SAFB2: variants seen among roughly 807,000 people sequenced by gnomAD.
SAFB2 encodes the protein scaffold attachment factor B2.
A neutral mutation model predicts 100.6 loss-of-function variants in SAFB2; 32 were observed. That is an observed-to-expected ratio of 0.32 (90% CI 0.24 to 0.43). The LOEUF (loss-of-function observed/expected upper bound fraction) is 0.43. Ranked by LOEUF, SAFB2 falls within the 20% of genes least tolerant of loss-of-function variation. The pLI, the probability that SAFB2 is intolerant of heterozygous loss-of-function variation, is 1.00. For missense variants in SAFB2, 1,185 were observed against 1,163.4 expected (o/e 1.02, Z -0.27); for synonymous variants, 500 against 439.4 (o/e 1.14, Z -1.72).
Position 5,604,869 on chromosome 19 carries a change from A to G in SAFB2, c.1364T>C (p.Met455Thr). ...CTTGGTCGCCTCGTCAGATGTCGAC[A>G]TGGTGACGAATCCATAGCATCGAGC... ...PGARCYGFVT[M>T]STSDEATKCI... The change falls in exon 10 of 21, where the codon ATG becomes ACG. Residue 455 changes from methionine (M) to threonine (T), a missense_variant. Met to Thr is a moderately conservative substitution (Grantham distance 81). Coordinates refer to ENST00000252542, the MANE Select transcript of SAFB2 (RefSeq NM_014649.3). 6.2e-7 allele frequency: 1 copy of G among 1,614,138 alleles called. No homozygotes were observed. The highest frequency in any genetic ancestry group is 8.5e-7 in the Non-Finnish European group (1 of 1,180,026).
At chr19:5,610,881 C>T (rs566579906) in intron 7 of SAFB2, 193 bp from the exon 8 acceptor site, 12 of 777,884 alleles carry the variant, frequency 1.5e-5, no homozygotes, top group South Asian at 2.0e-5. Context: ...AAAGTCAATT[C>T]GATTTAGCTG....
chr19:5,594,968 C>A (rs990515995), intron 14 of SAFB2, among the ~76,000 whole-genome samples: 1 of 152,304 alleles, frequency 6.6e-6, no homozygotes, highest in East Asian at 1.9e-4. Context: ...CCCACCTCAA[C>A]CTCCTGAGTA....
intron 1 of SAFB2, 68 bp from the exon 2 acceptor site, chr19:5,621,464 A>G (rs1289149446): frequency 9.9e-7 from 1 of 1,014,970 alleles, no homozygotes; most frequent in African/African-American, 1.6e-5. Flanking sequence ...CCTTACAAGT[A>G]ACAACCTCCC....
chr19:5,621,395 G>A lies in SAFB2; in HGVS notation c.188C>T (p.Ala63Val). 3.1e-6 allele frequency: 5 copies of A among 1,601,208 alleles called. No homozygotes were observed. The highest frequency in any genetic ancestry group is 2.2e-5 in the East Asian group (1 of 44,830). ...AGGATCTTGCCCCTCTTCTTTAACCGCCTATTAGGGAGAGATGAGTTTTAC... is the reference window on the plus strand; with the variant it reads ...AGGATCTTGCCCCTCTTCTTTAACCACCTATTAGGGAGAGATGAGTTTTAC... ...KSVLMERLKK[A>V]VKEEGQDPDE... Residue 63 changes from alanine to valine, a missense_variant and splice_region_variant, in exon 2 of 21, where the codon GCG becomes GTG. Ala to Val is a moderately conservative substitution (Grantham distance 64). Coordinates refer to ENST00000252542, the MANE Select transcript of SAFB2 (RefSeq NM_014649.3).
intron 14 of SAFB2, among the ~76,000 whole-genome samples, chr19:5,594,689 G>A (rs2052498756): frequency 2.0e-5 from 3 of 152,134 alleles, no homozygotes; most frequent in African/African-American, 7.2e-5. Flanking sequence ...TTCCACACGG[G>A]CCAAGGTCCA....
intron 11 of SAFB2, among the ~76,000 whole-genome samples, chr19:5,602,340 C>T (rs1427624137): frequency 3.3e-5 from 5 of 151,606 alleles, no homozygotes; most frequent in African/African-American, 7.3e-5. Flanking sequence ...ATTAGCCGGG[C>T]GTGGTGGTAG....
chr19:5,607,048 T>C (rs946370354), intron 9 of SAFB2, among the ~76,000 whole-genome samples: 1 of 151,584 alleles, frequency 6.6e-6, no homozygotes, highest in Non-Finnish European at 1.5e-5. Flanking sequence ...GATCACGAGG[T>C]CAGGAGATCA....
intron 12 of SAFB2, among the ~76,000 whole-genome samples, chr19:5,599,311 G>A (rs113492169): frequency 0.029 from 4,415 of 152,252 alleles, 74 homozygotes; most frequent in Non-Finnish European, 0.04. Flanking sequence ...CTTGCCAGAC[G>A]GGTGGGCTTC....
At chr19:5,606,835 C>G (rs2052784541) in intron 9 of SAFB2, among the ~76,000 whole-genome samples, 1 of 152,212 alleles carries the variant, frequency 6.6e-6, no homozygotes, top group South Asian at 2.1e-4. Flanking sequence ...ACCTGCACTA[C>G]AGGAAACATT....
intron 9 of SAFB2, among the ~76,000 whole-genome samples, chr19:5,607,967 A>G (rs980138911): frequency 6.6e-6 from 1 of 152,224 alleles, no homozygotes; most frequent in African/African-American, 2.4e-5. Flanking sequence ...TTCCCATCAA[A>G]TTAATCATCC....
chr19:5,612,325 A>G (rs1427451553), intron 6 of SAFB2: 1 of 601,838 alleles, frequency 1.7e-6, no homozygotes, highest in Non-Finnish European at 2.9e-6. Context: ...TCACTACTAC[A>G]TTGCACCAAA....
At chr19:5,618,723 AT>A (rs2053083972) in intron 2 of SAFB2, among the ~76,000 whole-genome samples, 1 of 152,240 alleles carries the variant, frequency 6.6e-6, no homozygotes, top group Non-Finnish European at 1.5e-5. Flanking sequence ...TAGGCCGGAA[AT>A]AGGAGAAATG....
intron 2 of SAFB2, among the ~76,000 whole-genome samples, chr19:5,620,776 T>C (rs2053123757): frequency 6.6e-6 from 1 of 152,196 alleles, no homozygotes; most frequent in Non-Finnish European, 1.5e-5. Flanking sequence ...GTGTATACAC[T>C]AGGAAGCACT....
chr19:5,604,966 C>G (rs1183916706), intron 9 of SAFB2, 30 bp from the exon 10 acceptor site: 1 of 1,604,014 alleles, frequency 6.2e-7, no homozygotes, highest in East Asian at 2.2e-5. Context: ...CTTACTCTCT[C>G]ATACAAATGA....
In SAFB2 at chr19:5,616,439, C is replaced by T. The variant is rs369736320; in HGVS notation, c.322G>A (p.Asp108Asn). 1.2e-6 allele frequency: 2 copies of T among 1,613,874 alleles called. No individual in the cohort carries two copies. The highest frequency in any genetic ancestry group is 2.7e-5 in the African/African-American group (2 of 74,860). Residue 108 changes from aspartate (D) to asparagine (N), a missense_variant, in exon 3 of 21, where the codon GAT (aspartate) becomes AAT (asparagine). This residue lies in a region of SAFB2 where 351 missense variants were observed against 341.2 expected (regional missense o/e 1.03). Transcript: ENST00000252542. ...TCACTTACCTGCCCGTCTCTGGAAT[C>T]GTCTTCCAGGCCATTATCTTCTGTG... is the stretch of plus-strand genomic sequence containing the variant. ...EGTEDNGLED[D>N]SRDGQEDMEA...
chr19:5,615,086 G>A (rs1306141799), intron 4 of SAFB2, among the ~76,000 whole-genome samples: 1 of 152,186 alleles, frequency 6.6e-6, no homozygotes, highest in Non-Finnish European at 1.5e-5. Flanking sequence ...TGGGCGCAGT[G>A]GCTCAAGCCT....
chr19:5,609,051 CAAAAAAAAAAAA>C (rs60419324), intron 9 of SAFB2, among the ~76,000 whole-genome samples: 3 of 72,702 alleles, frequency 4.1e-5, no homozygotes, highest in East Asian at 8.6e-4. Context: ...GACGCAGTCT[CAAAAAAAAAAAA>C]AAAAAAAAAA....
chr19:5,587,108 G>A lies in SAFB2; in HGVS notation c.*135C>T, dbSNP rs1444040508. The A allele has an allele frequency of 2.7e-6, 3 of 1,099,328 alleles. No individual in the cohort carries two copies. In the Admixed American group the frequency reaches 7.1e-5, roughly 26 times the overall value. 68.1% of individuals were successfully genotyped at this position (1,099,328 alleles called of 1,614,324 possible). ...TTATTTAAAAAAAAAAAAAAAGTGAGTTCACATTGTATTGAGCTACAACAT... is the reference window on the plus strand; with the variant it reads ...TTATTTAAAAAAAAAAAAAAAGTGAATTCACATTGTATTGAGCTACAACAT... On this transcript the variant is annotated 3_prime_UTR_variant, in exon 21 of 21. Transcript: ENST00000252542. This position sits in a 1 kb window ranked among gnomAD's most constrained non-coding sequence, Gnocchi z 4.9.
chr19:5,591,488 C>T, intron 17 of SAFB2: 2 of 367,512 alleles, frequency 5.4e-6, no homozygotes. Flanking sequence ...CCATGTCGGC[C>T]AGGCTGGTCT....
Sources: allele counts gnomAD v4.1 joint callset (sites outside exome capture counted in the v4.1 genomes callset), GRCh38; gene constraint gnomAD v4.1.1; regional missense constraint gnomAD v4.1.1; non-coding constraint Gnocchi (gnomAD v3.1); transcripts MANE v1.5; gene names NCBI Gene and HGNC (gene_info 2026-07-23, HGNC 2026-07-21).